ENO3: variants seen among roughly 807,000 people sequenced by gnomAD.
The protein encoded by ENO3 is enolase 3.
ENO3 carries 46 observed loss-of-function variants against 47.7 expected under a neutral mutation model. The observed-to-expected ratio is 0.96, with a 90% CI of 0.76 to 1.23. The LOEUF is 1.23. Ranked by LOEUF, ENO3 falls within the 50% of genes most tolerant of loss-of-function variation. ENO3 has a pLI of 0.00. For missense variants in ENO3, 575 were observed against 566.2 expected (o/e 1.02, Z -0.16); for synonymous variants, 223 against 225.9 (o/e 0.99, Z 0.11).
At chr17:4,954,958 T>A in intron 6 of ENO3, 117 bp from the exon 7 acceptor site, 1 of 783,768 alleles carries the variant, frequency 1.3e-6, no homozygotes, top group Non-Finnish European at 2.1e-6. Context: ...CTACTCATCC[T>A]AGACCACTGA....
At chr17:4,951,762 G>A (rs948762496) in intron 1 of ENO3, 66 bp from the exon 2 acceptor site, 4 of 1,546,742 alleles carry the variant, frequency 2.6e-6, no homozygotes, top group African/African-American at 2.7e-5. Flanking sequence ...AATCTTAAAG[G>A]GCAAGGGATT....
At chr17:4,950,437 G>A, upstream of ENO3, 1 of 439,582 alleles carries the variant, frequency 2.3e-6, no homozygotes, top group Non-Finnish European at 3.0e-6. Flanking sequence ...ACAGTCGATG[G>A]GGAAAGGGGC....
At chr17:4,956,545 G>T in intron 9 of ENO3, 28 bp from the exon 10 acceptor site, 1 of 1,611,730 alleles carries the variant, frequency 6.2e-7, no homozygotes, top group Non-Finnish European at 8.5e-7. Context: ...GGTTCTAGAA[G>T]GCCACATCAA....
In ENO3 at chr17:4,955,114, A is replaced by C. The variant is rs1971676177; in HGVS notation, c.484A>C (p.Lys162Gln). 1 of 1,614,110 alleles carries C rather than the reference A, an allele frequency of 6.2e-7. No individual in the cohort carries two copies. The highest frequency in any genetic ancestry group is 8.5e-7 in the Non-Finnish European group (1 of 1,180,018). Residue 162 changes from lysine to glutamine, a missense_variant, in exon 7 of 12, where the codon AAG becomes CAG. Coordinates refer to ENST00000519602, the MANE Select transcript of ENO3 (RefSeq NM_053013.4). ...CAACGGGGGCTCCCATGCTGGAAAC[A>C]AGCTGGCCATGCAGGAGTTCATGAT... The part of the protein sequence containing the change: ...VINGGSHAGN[K>Q]LAMQEFMILP...
chr17:4,951,907 G>T lies in ENO3; in HGVS notation c.78G>T (p.Thr26=), dbSNP rs758704680. The T allele has an allele frequency of 6.2e-7, 1 of 1,613,964 alleles. No individual in the cohort carries two copies. The highest frequency in any genetic ancestry group is 1.3e-5 in the African/African-American group (1 of 74,912). Residue 26 remains threonine (T), a synonymous_variant, in exon 2 of 12, where the codon ACG becomes ACT. Coordinates refer to ENST00000519602, the MANE Select transcript of ENO3 (RefSeq NM_053013.4). ...CCACGGTGGAGGTGGACCTGCACAC[G>T]GCCAAGGGTAACACAAGGCCCATTG... ...GNPTVEVDLH[T]AKGRFRAAVP...
rs1480224966 is a variant in ENO3 at position 4,956,599 on chromosome 17, G to C, written c.1094G>C (p.Trp365Ser). Reference protein sequence around the residue: ...QACKLAQSNGWGVMVSHRSGE... With the variant: ...QACKLAQSNGSGVMVSHRSGE... ...TGCAAACTGGCTCAGTCTAATGGCT[G>C]GGGGGTGATGGTGAGCCACCGCTCT... Residue 365 changes from tryptophan to serine, a missense_variant, in exon 10 of 12, where the codon TGG becomes TCG. Transcript: ENST00000519602. 1 of 1,614,118 alleles carries C rather than the reference G, an allele frequency of 6.2e-7. No homozygotes were observed. The highest frequency in any genetic ancestry group is 2.2e-5 in the East Asian group (1 of 44,874).
rs121918403 is a variant in ENO3 at position 4,955,097 on chromosome 17, G to T, written c.467G>T (p.Gly156Val). Residue 156 changes from glycine to valine, a missense_variant, in exon 7 of 12, where the codon GGC becomes GTC. Transcript: ENST00000519602. ...PVPAFNVINGGSHAGNKLAMQ... is the reference protein window; with the variant it reads ...PVPAFNVINGVSHAGNKLAMQ... ...CAGGCCTTCAATGTGATCAACGGGGGCTCCCATGCTGGAAACAAGCTGGCC... is the reference window on the plus strand; with the variant it reads ...CAGGCCTTCAATGTGATCAACGGGGTCTCCCATGCTGGAAACAAGCTGGCC... 2.5e-6 allele frequency: 4 copies of T among 1,613,866 alleles called. No homozygotes were observed. In the Admixed American group the frequency reaches 5.0e-5, roughly 20 times the overall value.
Position 4,955,262 on chromosome 17 carries a change from G to T in ENO3, c.632G>T (p.Gly211Val), listed in dbSNP as rs757766065. Residue 211 changes from glycine (G) to valine (V), a missense_variant, in exon 7 of 12, where the codon GGT becomes GTT. Gly to Val is a moderately radical substitution (Grantham distance 109). Coordinates refer to ENST00000519602, the MANE Select transcript of ENO3 (RefSeq NM_053013.4). ...GATGCCACCAATGTGGGTGATGAAG[G>T]TGGCTTCGCACCCAACATCCTGGAG... ...GKDATNVGDE[G>V]GFAPNILENN... The T allele has an allele frequency of 1.2e-6, 2 of 1,614,282 alleles. No individual in the cohort carries two copies. Among genetic ancestry groups the T allele is most frequent in the Admixed American group, 1.7e-5 (1 of 60,034 alleles).
In ENO3 at chr17:4,956,746, T is replaced by C. The variant is rs1464411801; in HGVS notation, c.1176+65T>C. 4 of 1,613,746 alleles carry C rather than the reference T, an allele frequency of 2.5e-6. No homozygotes were observed. In the African/African-American group the frequency reaches 5.3e-5, roughly 22 times the overall value. On this transcript the variant is annotated intron_variant, in intron 10 of 11. Coordinates refer to ENST00000519602, the MANE Select transcript of ENO3 (RefSeq NM_053013.4). ...TTCTTGGGGTCCCTGGCCTCCTGCC[T>C]TTGAGGTTAATGCTCCCTTGGGGCC... is the stretch of plus-strand genomic sequence containing the variant.
chr17:4,950,385 AG>A (rs1387444385), upstream of ENO3: 2 of 176,108 alleles, frequency 1.1e-5, no homozygotes, highest in Non-Finnish European at 2.2e-5. Flanking sequence ...CTGTTGATTC[AG>A]CCCCATTCAT....
Position 4,952,900 on chromosome 17 carries a change from C to A in ENO3, c.181+10C>A. 1 of 1,611,812 alleles carries A rather than the reference C, an allele frequency of 6.2e-7. No individual in the cohort carries two copies. Among genetic ancestry groups the A allele is most frequent in the Non-Finnish European group, 8.5e-7 (1 of 1,178,782 alleles). On this transcript the variant is annotated intron_variant, in intron 3 of 11. Transcript: ENST00000519602. ...CGCTACCTGGGGAAAGGTGAGGAGA[C>A]ACCAGCGCAGAAGGAGCCTGTGTGG... is the stretch of plus-strand genomic sequence containing the variant.
upstream of ENO3, among the ~76,000 whole-genome samples, chr17:4,950,872 C>T (rs527928127): frequency 2.0e-5 from 3 of 152,334 alleles, no homozygotes; most frequent in South Asian, 6.2e-4. Flanking sequence ...TCTGTAGCCC[C>T]TCCCTTGCTC....
At chr17:4,949,778 C>T, upstream of ENO3, among the ~76,000 whole-genome samples, 1 of 152,148 alleles carries the variant, frequency 6.6e-6, no homozygotes, top group South Asian at 2.1e-4. Flanking sequence ...GAGCGCGGCG[C>T]GCATCCCTGG....
rs987240702 is a variant in ENO3 at position 4,955,278 on chromosome 17, C to T, written c.648C>T (p.Asn216=). 1.2e-6 allele frequency: 2 copies of T among 1,614,150 alleles called. No individual in the cohort carries two copies. Among genetic ancestry groups the T allele is most frequent in the African/African-American group, 1.3e-5 (1 of 74,950 alleles). The change falls in exon 7 of 12, where the codon AAC becomes AAT. Residue 216 remains asparagine, a synonymous_variant. Coordinates refer to ENST00000519602, the MANE Select transcript of ENO3 (RefSeq NM_053013.4). ...NVGDEGGFAP[N]ILENNEALEL... is the part of the protein sequence containing the mutation. Reference sequence around the variant, plus strand: ...GTGATGAAGGTGGCTTCGCACCCAACATCCTGGAGAACAATGAGGGTCAGT... The same window carrying T: ...GTGATGAAGGTGGCTTCGCACCCAATATCCTGGAGAACAATGAGGGTCAGT...
rs571150121 is a variant in ENO3, at chr17:4,956,159, C to A, written c.1067+16C>A. 2 of 1,613,116 alleles carry A rather than the reference C, an allele frequency of 1.2e-6. No homozygotes were observed. ...CGATCCAGGCGTGAGTGCCTCCTGA[C>A]CCTGAGGCTCACCATAGCCTGCCTC... On this transcript the variant is annotated intron_variant, in intron 9 of 11. Transcript: ENST00000519602.
intron 6 of ENO3, 38 bp downstream of exon 6, chr17:4,953,883 G>T (rs376807162): frequency 1.5e-5 from 25 of 1,613,624 alleles, no homozygotes; most frequent in Non-Finnish European, 1.9e-5. Context: ...ATCTCGCCTG[G>T]ACAGAGCCAA....
rs1375054886 is a variant in ENO3, at chr17:4,953,201, C to T, written c.241-71C>T. 3.7e-6 allele frequency: 6 copies of T among 1,612,594 alleles called. No homozygotes were observed. In the African/African-American group the frequency reaches 4.0e-5, roughly 11 times the overall value. ...CTCTCCCGAAACATTTTCCCTTATC[C>T]TTCCCCTGCATGTGCCCTGACTTCT... On this transcript the variant is annotated intron_variant, in intron 4 of 11. Transcript: ENST00000519602.
intron 6 of ENO3, chr17:4,954,048 C>A: frequency 1.3e-6 from 1 of 776,914 alleles, no homozygotes; most frequent in Non-Finnish European, 2.1e-6. Context: ...GTGCTTCCTT[C>A]CCTGCCATAT....
chr17:4,950,570 C>T, upstream of ENO3: 2 of 985,528 alleles, frequency 2.0e-6, no homozygotes, highest in Non-Finnish European at 2.4e-6. Flanking sequence ...CCGGCGCTGG[C>T]TGGCCTGGAG....
Sources: gnomAD v4.1 joint callset for allele counts (sites outside exome capture counted in the v4.1 genomes callset) on GRCh38, gnomAD v4.1.1 for gene constraint, MANE v1.5 for transcripts, NCBI Gene and HGNC (gene_info 2026-07-23, HGNC 2026-07-21) for gene names.